The following LRMDA variants were observed in gnomAD, a reference collection of about 807,000 sequenced individuals.
LRMDA encodes leucine-rich melanocyte differentiation-associated protein.
Under a neutral mutation model 29.8 loss-of-function variants are expected in LRMDA, and 18 were observed. The observed-to-expected ratio is 0.60, with a 90% CI of 0.42 to 0.90. The LOEUF (loss-of-function observed/expected upper bound fraction) is 0.90. Ranked by LOEUF, LRMDA falls within the 40% of genes least tolerant of loss-of-function variation. LRMDA has a pLI of 0.00. For missense variants in LRMDA, 273 were observed against 273.9 expected (o/e 1.00, Z 0.02); for synonymous variants, 125 against 109.4 (o/e 1.14, Z -0.89).
chr10:76,074,910 G>T (rs1223583295), intron 5 of LRMDA, among the ~76,000 whole-genome samples: 3 of 152,144 alleles, frequency 2.0e-5, no homozygotes, highest in African/African-American at 7.2e-5. Context: ...TGGAGAGTGA[G>T]GAGTGTCCAG....
rs11001526 is a variant in LRMDA, at chr10:75,862,773, G to A, written c.132-173235G>A. Among the ~76,000 whole-genome samples, 961 of 152,290 alleles carry A rather than the reference G, an allele frequency of 6.3e-3. 7 individuals carry two copies. Among genetic ancestry groups the A allele is most frequent in the Non-Finnish European group, 0.011 (764 of 68,022 alleles). On this transcript the variant is annotated intron_variant, in intron 2 of 6. Coordinates refer to ENST00000611255, the MANE Select transcript of LRMDA (RefSeq NM_001305581.2). ...ATCAGAAGTATTCTAAATCAGGGCT[G>A]TAATTGATCCTTTCAAAGTACCCTC...
In LRMDA at chr10:76,032,574, C is replaced by T. The variant is rs550418680; in HGVS notation, c.132-3434C>T. Among the ~76,000 whole-genome samples the T allele has an allele frequency of 3.9e-5, 6 of 152,206 alleles. No homozygotes were observed. The East Asian group carries it at 7.7e-4, about 20-fold the overall frequency. ...AAGGCACTGGGATGCTCCCAGCAGC[C>T]GCTGCAGCTCCTGGGGGAGCCCAGG... On this transcript the variant is annotated intron_variant, in intron 2 of 6. Transcript: ENST00000611255.
chr10:75,440,810 C>A (rs536738851), intron 2 of LRMDA, among the ~76,000 whole-genome samples: 18 of 152,206 alleles, frequency 1.2e-4, no homozygotes, highest in African/African-American at 4.3e-4. Flanking sequence ...CCAAGGCGGG[C>A]AAATCACCTG....
At chr10:76,542,216 G>A (rs550910888) in intron 6 of LRMDA, among the ~76,000 whole-genome samples, 1 of 152,238 alleles carries the variant, frequency 6.6e-6, no homozygotes, top group South Asian at 2.1e-4. Context: ...TATAATAGAT[G>A]ACCTGCATTT....
At chr10:75,643,046 C>T (rs970820217) in intron 2 of LRMDA, 5 of 152,110 alleles carry the variant, frequency 3.3e-5, no homozygotes, top group African/African-American at 1.2e-4. Context: ...AATGTCTCTC[C>T]ATGGGCTTGG....
At chr10:76,276,634 C>T (rs906800512) in intron 5 of LRMDA, among the ~76,000 whole-genome samples, 1 of 151,964 alleles carries the variant, frequency 6.6e-6, no homozygotes, top group Non-Finnish European at 1.5e-5. Flanking sequence ...ACATCTGAGC[C>T]ATATATGTGG....
At chr10:75,525,971 T>C (rs1845409036) in intron 2 of LRMDA, among the ~76,000 whole-genome samples, 1 of 152,004 alleles carries the variant, frequency 6.6e-6, no homozygotes, top group African/African-American at 2.4e-5. Context: ...TCCTTGAAGA[T>C]AGGATTCTGC....
chr10:76,490,603 G>A (rs576305163), intron 6 of LRMDA, among the ~76,000 whole-genome samples: 1 of 151,848 alleles, frequency 6.6e-6, no homozygotes. Flanking sequence ...AGCTACTCCT[G>A]CTCATTTTTG....
chr10:75,442,118 T>A (rs2132024684), intron 2 of LRMDA, among the ~76,000 whole-genome samples: 1 of 152,342 alleles, frequency 6.6e-6, no homozygotes, highest in African/African-American at 2.4e-5. Flanking sequence ...GATTTTTAAA[T>A]TTTTTCCAAC....
intron 2 of LRMDA, among the ~76,000 whole-genome samples, chr10:75,707,493 A>G (rs1336360285): frequency 1.3e-5 from 2 of 152,200 alleles, no homozygotes; most frequent in Non-Finnish European, 2.9e-5. Context: ...TCCTCCCCAC[A>G]GGGAAGAGCC....
intron 5 of LRMDA, among the ~76,000 whole-genome samples, chr10:76,084,989 G>A (rs991906052): frequency 6.6e-6 from 1 of 152,158 alleles, no homozygotes; most frequent in African/African-American, 2.4e-5. Context: ...GGACTGAATG[G>A]ACCACTTCAT....
chr10:76,458,225 C>T (rs1020688865), intron 6 of LRMDA, among the ~76,000 whole-genome samples: 2 of 151,684 alleles, frequency 1.3e-5, no homozygotes, highest in Non-Finnish European at 2.9e-5. Flanking sequence ...CCCCTCTCCT[C>T]CAGACAAGGG....
At chr10:75,494,246 A>G (rs1428283652) in intron 2 of LRMDA, among the ~76,000 whole-genome samples, 1 of 152,152 alleles carries the variant, frequency 6.6e-6, no homozygotes, top group Admixed American at 6.6e-5. Flanking sequence ...GCCTGAAAAT[A>G]GTGGTCTTTT....
Position 75,564,430 on chromosome 10 carries a change from G to A in LRMDA, c.131+125936G>A, listed in dbSNP as rs113711796. 2.0e-4 allele frequency among the ~76,000 whole-genome samples: 30 copies of A among 152,294 alleles called. 1 individual carries two copies. Among genetic ancestry groups the A allele is most frequent in the African/African-American group, 5.8e-4 (24 of 41,576 alleles). On this transcript the variant is annotated intron_variant, in intron 2 of 6. Coordinates refer to ENST00000611255, the MANE Select transcript of LRMDA (RefSeq NM_001305581.2). ...GGAGTGACCCAATTTTCCAGGTGCC[G>A]TCTTTCACCCCTTTCTTTGACTAGG...
chr10:75,688,153 A>G (rs1842104541), intron 2 of LRMDA, among the ~76,000 whole-genome samples: 1 of 152,214 alleles, frequency 6.6e-6, no homozygotes, highest in Non-Finnish European at 1.5e-5. Flanking sequence ...TCAACTTTCA[A>G]GTCTTATTAC....
intron 2 of LRMDA, among the ~76,000 whole-genome samples, chr10:75,811,750 CAGT>C (rs2132272033): frequency 6.6e-6 from 1 of 152,320 alleles, no homozygotes; most frequent in South Asian, 2.1e-4. Context: ...CCCATCTAGT[CAGT>C]GGTCCCTCCT....
At chr10:75,535,254 TTTC>T (rs1027852250) in intron 2 of LRMDA, among the ~76,000 whole-genome samples, 59 of 152,288 alleles carry the variant, frequency 3.9e-4, no homozygotes, top group African/African-American at 1.3e-3. Flanking sequence ...CAACCAAGTT[TTTC>T]TTCTCAGGAT....
chr10:75,800,785 ATGTTT>A (rs1188826285), intron 2 of LRMDA, among the ~76,000 whole-genome samples: 1 of 151,896 alleles, frequency 6.6e-6, no homozygotes, highest in Non-Finnish European at 1.5e-5. Flanking sequence ...TCACATTTTT[ATGTTT>A]CTTTGTATAT....
intron 5 of LRMDA, among the ~76,000 whole-genome samples, chr10:76,110,069 A>C (rs78453254): frequency 1.6e-3 from 244 of 152,238 alleles, no homozygotes; most frequent in African/African-American, 5.4e-3. Context: ...CCACCAGAGA[A>C]ATATTTGCCT....
Sources: allele counts gnomAD v4.1 joint callset (sites outside exome capture counted in the v4.1 genomes callset), GRCh38; gene constraint gnomAD v4.1.1; transcripts MANE v1.5; gene names NCBI Gene and HGNC (gene_info 2026-07-23, HGNC 2026-07-21).